IL1RAPL2: variants seen among roughly 807,000 people sequenced by gnomAD.
IL1RAPL2 encodes the protein X-linked interleukin-1 receptor accessory protein-like 2.
Under a neutral mutation model 44.1 loss-of-function variants are expected in IL1RAPL2, and 3 were observed. That is an observed-to-expected ratio of 0.07 (90% CI 0.03 to 0.18). The LOEUF (loss-of-function observed/expected upper bound fraction) is 0.18, where lower values mean the gene tolerates loss of function less well. Ranked by LOEUF, IL1RAPL2 falls within the 10% of genes least tolerant of loss-of-function variation. The probability of loss-of-function intolerance (pLI) is 1.00; values close to 1 mark genes in which losing one functional copy is unlikely to be tolerated. For missense variants in IL1RAPL2, 391 were observed against 496.4 expected, an observed-to-expected ratio of 0.79 and a Z score of 2.02; for synonymous variants, 181 against 178.8, an observed-to-expected ratio of 1.01 and a Z score of -0.10.
intron 6 of IL1RAPL2, among the ~76,000 whole-genome samples, chrX:105,494,291 GA>G (rs967600624): frequency 2.8e-5 from 3 of 107,957 alleles, no homozygotes; most frequent in African/African-American, 1.0e-4. Context: ...ATCTGGAAAA[GA>G]AAAAAAAATA....
intron 6 of IL1RAPL2, among the ~76,000 whole-genome samples, chrX:105,565,832 G>C (rs2036970587): frequency 8.9e-6 from 1 of 112,007 alleles, no homozygotes; most frequent in Non-Finnish European, 1.9e-5. Flanking sequence ...CTGACCACCT[G>C]CTGTCAGCAA....
chrX:105,330,400 G>A (rs1425803633), intron 5 of IL1RAPL2, among the ~76,000 whole-genome samples: 1 of 110,781 alleles, frequency 9.0e-6, no homozygotes, highest in Non-Finnish European at 1.9e-5. Flanking sequence ...GATGAAGGTG[G>A]GAACTCCAGT....
At chrX:104,947,154 C>T (rs1049425848) in intron 2 of IL1RAPL2, among the ~76,000 whole-genome samples, 25 of 112,156 alleles carry the variant, frequency 2.2e-4, no homozygotes, top group Admixed American at 1.9e-3. Context: ...ATTTGTATTT[C>T]TCTGATGGCC....
At chrX:104,616,744 G>A (rs1029455636) in intron 1 of IL1RAPL2, among the ~76,000 whole-genome samples, 3 of 111,519 alleles carry the variant, frequency 2.7e-5, no homozygotes, top group African/African-American at 9.8e-5. Flanking sequence ...ACCAATCAAT[G>A]CTTCTGGCTC....
At chrX:105,380,340 A>G (rs1258693141) in intron 5 of IL1RAPL2, among the ~76,000 whole-genome samples, 1 of 111,713 alleles carries the variant, frequency 9.0e-6, no homozygotes, top group Non-Finnish European at 1.9e-5. Context: ...TTTCTGATTC[A>G]AGGGAAAAGG....
At chrX:105,058,185 T>G (rs1469734837) in intron 2 of IL1RAPL2, among the ~76,000 whole-genome samples, 1 of 110,327 alleles carries the variant, frequency 9.1e-6, no homozygotes, top group African/African-American at 3.3e-5. Flanking sequence ...TCTCCTGACC[T>G]CGTGATCTGC....
intron 2 of IL1RAPL2, among the ~76,000 whole-genome samples, chrX:104,806,527 T>A (rs964594729): frequency 8.9e-6 from 1 of 112,088 alleles, no homozygotes; most frequent in African/African-American, 3.2e-5. Flanking sequence ...AACCTGTCAG[T>A]TTCTAAGCAA....
intron 3 of IL1RAPL2, among the ~76,000 whole-genome samples, chrX:105,213,307 C>A (rs1434779967): frequency 9.2e-6 from 1 of 108,846 alleles, no homozygotes; most frequent in Non-Finnish European, 1.9e-5. Context: ...CTGAAAAACA[C>A]AGCACAAGAA....
At chrX:105,175,990 T>C (rs939611584) in intron 2 of IL1RAPL2, among the ~76,000 whole-genome samples, 2 of 111,091 alleles carry the variant, frequency 1.8e-5, no homozygotes, top group Non-Finnish European at 3.8e-5. Flanking sequence ...TATTAAATAA[T>C]ATAATAATAA....
chrX:104,904,462 C>T (rs1431693879), intron 2 of IL1RAPL2, among the ~76,000 whole-genome samples: 1 of 74,233 alleles, frequency 1.3e-5, no homozygotes, highest in Non-Finnish European at 2.5e-5. Flanking sequence ...CTCCCCCCAC[C>T]CCACAACAGT....
chrX:105,366,491 T>A (rs1375660325), intron 5 of IL1RAPL2, among the ~76,000 whole-genome samples: 2 of 111,138 alleles, frequency 1.8e-5, no homozygotes, highest in Non-Finnish European at 1.9e-5. Flanking sequence ...ACTTTGAACT[T>A]CCCTCTTAAA....
chrX:105,687,584 A>G (rs1417410105), intron 6 of IL1RAPL2, among the ~76,000 whole-genome samples: 1 of 111,407 alleles, frequency 9.0e-6, no homozygotes, highest in African/African-American at 3.3e-5. Flanking sequence ...AAATAATAAT[A>G]GCCTACCAAC....
intron 1 of IL1RAPL2, among the ~76,000 whole-genome samples, chrX:104,624,729 A>T (rs1046005925): frequency 8.9e-6 from 1 of 111,972 alleles, no homozygotes; most frequent in Non-Finnish European, 1.9e-5. Context: ...GCTATTCATT[A>T]TAAAATTGTT....
At chrX:104,969,273 A>G (rs934539549) in intron 2 of IL1RAPL2, among the ~76,000 whole-genome samples, 1 of 110,893 alleles carries the variant, frequency 9.0e-6, no homozygotes, top group African/African-American at 3.3e-5. Context: ...GCTGGGAAAG[A>G]ACAGGCTGTT....
At chrX:105,044,057 G>T (rs763495137) in intron 2 of IL1RAPL2, among the ~76,000 whole-genome samples, 2 of 111,389 alleles carry the variant, frequency 1.8e-5, no homozygotes, top group East Asian at 2.8e-4. Flanking sequence ...AAGTTGTAAT[G>T]CTCAGGCCAC....
At chrX:105,083,888 A>G (rs1391245685) in intron 2 of IL1RAPL2, among the ~76,000 whole-genome samples, 2 of 112,074 alleles carry the variant, frequency 1.8e-5, no homozygotes, top group African/African-American at 6.5e-5. Context: ...CATCGACACT[A>G]TGAAGAAACT....
chrX:105,291,027 A>G (rs2034608818), intron 5 of IL1RAPL2, among the ~76,000 whole-genome samples: 1 of 111,578 alleles, frequency 9.0e-6, no homozygotes, highest in Non-Finnish European at 1.9e-5. Context: ...ATTTCTGCCT[A>G]TTTAAAGCCT....
chrX:105,523,501 A>C lies in IL1RAPL2; in HGVS notation c.772+39114A>C, dbSNP rs187035303. The stretch of plus-strand genomic sequence containing the variant: ...ACACATCTGTGTTTAAATAATAATA[A>C]ATTTGGCAGGTAATAATTGGTATTT... On this transcript the variant is annotated intron_variant, in intron 6 of 10. Coordinates refer to ENST00000372582, the MANE Select transcript of IL1RAPL2 (RefSeq NM_017416.2). Among the ~76,000 whole-genome samples, 25 of 111,862 alleles carry C rather than the reference A, an allele frequency of 2.2e-4. 1 individual carries two copies. In the East Asian group the frequency reaches 6.5e-3, roughly 29 times the overall value.
At chrX:104,703,204 A>C (rs1435399734) in intron 2 of IL1RAPL2, among the ~76,000 whole-genome samples, 1 of 111,491 alleles carries the variant, frequency 9.0e-6, no homozygotes, top group Admixed American at 9.6e-5. Flanking sequence ...GACTAGTTTA[A>C]GTTAGGATAT....
Sources: allele counts gnomAD v4.1 joint callset (sites outside exome capture counted in the v4.1 genomes callset), GRCh38; gene constraint gnomAD v4.1.1; transcripts MANE v1.5; gene names NCBI Gene and HGNC (gene_info 2026-07-23, HGNC 2026-07-21).